KIAA1217: variants seen among roughly 807,000 people sequenced by gnomAD.
KIAA1217 encodes the protein KIAA1217.
In KIAA1217, 88 loss-of-function variants were observed where a neutral mutation model predicts 163.9. The ratio of observed to expected loss-of-function variants is 0.54; its 90% CI spans 0.45 to 0.64. The LOEUF (loss-of-function observed/expected upper bound fraction) is 0.64, where lower values mean the gene tolerates loss of function less well. Ranked by LOEUF, KIAA1217 falls within the 30% of genes least tolerant of loss-of-function variation. The pLI is 0.00. For missense variants in KIAA1217, 2,372 were observed against 2,475.0 expected (o/e 0.96, Z 0.88); for synonymous variants, 903 against 923.1 (o/e 0.98, Z 0.39).
At chr10:24,452,077 A>G (rs945420399) in intron 5 of KIAA1217, among the ~76,000 whole-genome samples, 3 of 152,182 alleles carry the variant, frequency 2.0e-5, no homozygotes, top group African/African-American at 7.2e-5. Flanking sequence ...ATTTGGGGGT[A>G]GGGAGAGAAC....
intron 1 of KIAA1217, among the ~76,000 whole-genome samples, chr10:23,966,333 G>A (rs867811812): frequency 1.2e-4 from 18 of 152,264 alleles, no homozygotes; most frequent in African/African-American, 1.7e-4. Flanking sequence ...AAAAATGGGC[G>A]TGGGGGTAAT....
At chr10:24,538,731 G>GTTT (rs1564894700) in intron 17 of KIAA1217, among the ~76,000 whole-genome samples, 2 of 95,532 alleles carry the variant, frequency 2.1e-5, no homozygotes, top group Non-Finnish European at 4.4e-5. Context: ...TATTGTTTTT[G>GTTT]GTTTTTTTTT....
In KIAA1217 at chr10:24,279,481, G is replaced by A. The variant is rs1047411631; in HGVS notation, c.354+59572G>A. Among the ~76,000 whole-genome samples, 6 of 152,146 alleles carry A rather than the reference G, an allele frequency of 3.9e-5. No homozygotes were observed. In the East Asian group the frequency reaches 1.2e-3, roughly 29 times the overall value. ...ACTGGGAGATATTACTAATTAATGA[G>A]TATGTGGAAAATTTTCCCTAGAAAA... is the stretch of plus-strand genomic sequence containing the variant. On this transcript the variant is annotated intron_variant, in intron 2 of 20. Coordinates refer to ENST00000376454, the MANE Select transcript of KIAA1217 (RefSeq NM_019590.5).
intron 1 of KIAA1217, among the ~76,000 whole-genome samples, chr10:23,802,985 G>T (rs912422257): frequency 2.6e-5 from 4 of 152,278 alleles, no homozygotes; most frequent in South Asian, 2.1e-4. Flanking sequence ...ACCCCATGAG[G>T]TAGGTGCTAT....
At chr10:24,294,287 T>C (rs2079461106) in intron 2 of KIAA1217, among the ~76,000 whole-genome samples, 1 of 151,962 alleles carries the variant, frequency 6.6e-6, no homozygotes, top group Non-Finnish European at 1.5e-5. Flanking sequence ...TTCAGGCAGT[T>C]CTGTCCCATT....
chr10:24,338,693 C>T (rs1334195351), intron 2 of KIAA1217, among the ~76,000 whole-genome samples: 3 of 152,126 alleles, frequency 2.0e-5, no homozygotes, highest in Admixed American at 2.0e-4. Flanking sequence ...TTGCTTTTTC[C>T]TCATTCTAGA....
At chr10:23,877,713 A>G (rs991789215) in intron 1 of KIAA1217, among the ~76,000 whole-genome samples, 1 of 152,016 alleles carries the variant, frequency 6.6e-6, no homozygotes, top group Admixed American at 6.6e-5. Flanking sequence ...GTTCACTCTC[A>G]AAAGCTTTAA....
intron 2 of KIAA1217, among the ~76,000 whole-genome samples, chr10:24,170,080 T>G (rs2065553526): frequency 6.6e-6 from 1 of 152,224 alleles, no homozygotes; most frequent in South Asian, 2.1e-4. Flanking sequence ...AAGACACTAT[T>G]GGTTGTGATT....
intron 1 of KIAA1217, among the ~76,000 whole-genome samples, chr10:23,787,722 A>C (rs1353794560): frequency 1.3e-5 from 2 of 152,204 alleles, no homozygotes; most frequent in African/African-American, 4.8e-5. Flanking sequence ...TTTTATGAGA[A>C]ACAGCCTTTC....
rs185768873 is a variant in KIAA1217, at chr10:24,524,671, C to A, written c.2805C>A (p.Ser935=). 1.2e-6 allele frequency: 2 copies of A among 1,614,164 alleles called. No homozygotes were observed. Among genetic ancestry groups the A allele is most frequent in the African/African-American group, 2.7e-5 (2 of 75,060 alleles). ...TGCAGATGTCGCAGGCTCCGCAGTC[C>A]CCACAGATACCCATGAATGGGTCTG... ...STLQMSQAPQ[S]PQIPMNGSAM... Residue 935 remains serine, a synonymous_variant, in exon 13 of 21, where the codon TCC becomes TCA. Coordinates refer to ENST00000376454, the MANE Select transcript of KIAA1217 (RefSeq NM_019590.5).
At chr10:24,494,658 T>G (rs143814551) in intron 7 of KIAA1217, 54 bp downstream of exon 7, 1 of 1,189,402 alleles carries the variant, frequency 8.4e-7, no homozygotes, top group African/African-American at 1.5e-5. Flanking sequence ...TCTCTTTTAA[T>G]CATTAAGATA....
intron 2 of KIAA1217, among the ~76,000 whole-genome samples, chr10:24,294,211 AAAG>A (rs1192221414): frequency 1.3e-5 from 2 of 151,572 alleles, no homozygotes; most frequent in Non-Finnish European, 2.9e-5. Context: ...AAAAAAAAAA[AAAG>A]AAATAGTTCC....
intron 1 of KIAA1217, among the ~76,000 whole-genome samples, chr10:23,800,372 GT>G (rs2130955003): frequency 6.6e-6 from 1 of 152,182 alleles, no homozygotes; most frequent in South Asian, 2.1e-4. Context: ...CTAGAGGTGG[GT>G]TTAACACCAT....
intron 5 of KIAA1217, among the ~76,000 whole-genome samples, chr10:24,451,692 C>T (rs1472575537): frequency 6.6e-6 from 1 of 152,218 alleles, no homozygotes; most frequent in Non-Finnish European, 1.5e-5. Flanking sequence ...AGTTCTGAGC[C>T]GTGGCTGGCT....
intron 1 of KIAA1217, among the ~76,000 whole-genome samples, chr10:23,780,555 T>C (rs1249860623): frequency 6.6e-6 from 1 of 152,226 alleles, no homozygotes; most frequent in African/African-American, 2.4e-5. Context: ...TTGTTGCAAA[T>C]GGCATGTTGC....
At chr10:23,980,977 C>T (rs898004557) in intron 1 of KIAA1217, among the ~76,000 whole-genome samples, 8 of 152,176 alleles carry the variant, frequency 5.3e-5, no homozygotes, top group Non-Finnish European at 1.0e-4. Flanking sequence ...GTCTTCTCAA[C>T]ATTAGGCAAT....
chr10:24,468,967 G>A (rs1403466548), intron 5 of KIAA1217, among the ~76,000 whole-genome samples: 1 of 152,046 alleles, frequency 6.6e-6, no homozygotes, highest in Non-Finnish European at 1.5e-5. Flanking sequence ...ATGTCACCAA[G>A]CATGTTTTTA....
At chr10:24,275,082 C>T in intron 2 of KIAA1217, among the ~76,000 whole-genome samples, 1 of 151,962 alleles carries the variant, frequency 6.6e-6, no homozygotes, top group African/African-American at 2.4e-5. Context: ...GGACTACAGG[C>T]ACACGCCACC....
At chr10:24,379,608 G>A (rs1377682314) in intron 2 of KIAA1217, among the ~76,000 whole-genome samples, 2 of 152,116 alleles carry the variant, frequency 1.3e-5, no homozygotes, top group Admixed American at 6.5e-5. Context: ...GAGAGGGGTC[G>A]TCTTGTACTT....
Sources: gnomAD v4.1 joint callset for allele counts (sites outside exome capture counted in the v4.1 genomes callset) on GRCh38, gnomAD v4.1.1 for gene constraint, MANE v1.5 for transcripts, NCBI Gene and HGNC (gene_info 2026-07-23, HGNC 2026-07-21) for gene names.